Variants in SAXO1 observed in about 807,000 individuals in gnomAD.
SAXO1 encodes the protein stabilizer of axonemal microtubules 1.
Under a neutral mutation model 17.5 loss-of-function variants are expected in SAXO1, and 21 were observed. That is an observed-to-expected ratio of 1.20 (90% CI 0.85 to 1.72). The LOEUF is 1.72. Ranked by LOEUF, SAXO1 falls within the 40% of genes most tolerant of loss-of-function variation. SAXO1 has a pLI of 0.00. For missense variants in SAXO1, 843 were observed against 596.0 expected (o/e 1.41, Z -4.32); for synonymous variants, 274 against 216.5 (o/e 1.27, Z -2.33).
intron 2 of SAXO1, 105 bp from the exon 3 acceptor site, chr9:18,941,944 A>C: frequency 9.6e-7 from 1 of 1,046,646 alleles, no homozygotes; most frequent in Admixed American, 1.9e-5. Flanking sequence ...GTCCTGTTCT[A>C]CTCTACCTGC....
intron 1 of SAXO1, among the ~76,000 whole-genome samples, chr9:18,957,740 T>C (rs1832314413): frequency 1.3e-5 from 2 of 152,116 alleles, no homozygotes; most frequent in African/African-American, 4.8e-5. Context: ...GGCAAGGCCT[T>C]CTCAAAGAAG....
intron 3 of SAXO1, among the ~76,000 whole-genome samples, chr9:18,932,967 TA>T (rs1238128616): frequency 1.3e-5 from 2 of 152,244 alleles, no homozygotes; most frequent in Admixed American, 1.3e-4. Context: ...TGTCTGAGAA[TA>T]AAGACAGCTT....
intron 1 of SAXO1, among the ~76,000 whole-genome samples, chr9:19,002,873 A>G (rs557120259): frequency 3.9e-4 from 59 of 152,354 alleles, no homozygotes; most frequent in African/African-American, 1.3e-3. Context: ...TATTCAGCAT[A>G]GTATTGGAAG....
At chr9:18,964,947 T>C (rs1321271219) in intron 1 of SAXO1, among the ~76,000 whole-genome samples, 1 of 152,224 alleles carries the variant, frequency 6.6e-6, no homozygotes, top group Non-Finnish European at 1.5e-5. Flanking sequence ...GAGATTCTGG[T>C]GCATTGTCTC....
chr9:18,950,174 G>A (rs1831971499), intron 2 of SAXO1, among the ~76,000 whole-genome samples: 1 of 152,176 alleles, frequency 6.6e-6, no homozygotes, highest in African/African-American at 2.4e-5. Flanking sequence ...CTCAGCCTCT[G>A]CACAGACCTA....
intron 1 of SAXO1, among the ~76,000 whole-genome samples, chr9:19,019,531 C>G (rs1563985262): frequency 6.6e-6 from 1 of 152,040 alleles, no homozygotes; most frequent in Non-Finnish European, 1.5e-5. Flanking sequence ...GAGTTTGAGA[C>G]CAGCCTGGCC....
At position 18,963,947 on chromosome 9, in the gene SAXO1, T is replaced by C. The variant is rs1418341134; in HGVS notation, c.39-13010A>G. Among the ~76,000 whole-genome samples the C allele has an allele frequency of 5.3e-5, 8 of 152,344 alleles. No homozygotes were observed. In the East Asian group the frequency reaches 1.2e-3, roughly 22 times the overall value. ...GTGGGTTTGTCATAAATAGTTCTTA[T>C]TGAGATATGTTCCATCAATACCTAC... On this transcript the variant is annotated intron_variant, in intron 1 of 3. Coordinates refer to ENST00000380534, the MANE Select transcript of SAXO1 (RefSeq NM_153707.4).
intron 1 of SAXO1, among the ~76,000 whole-genome samples, chr9:18,962,062 T>C (rs1832509107): frequency 6.6e-6 from 1 of 152,104 alleles, no homozygotes; most frequent in African/African-American, 2.4e-5. Context: ...GTACGGTTTT[T>C]TTAGTTTTTC....
chr9:18,938,413 A>G (rs1831391035), intron 3 of SAXO1, among the ~76,000 whole-genome samples: 1 of 152,120 alleles, frequency 6.6e-6, no homozygotes. Context: ...AAAGTGCAAT[A>G]AGGCATCCTA....
At chr9:19,035,700 G>A (rs1224599885), upstream of SAXO1, among the ~76,000 whole-genome samples, 2 of 152,168 alleles carry the variant, frequency 1.3e-5, no homozygotes, top group South Asian at 2.1e-4. Context: ...TCCAGGCTGA[G>A]GTGGTCTCAG....
chr9:19,034,291 TTCC>T (rs1226745625), upstream of SAXO1, among the ~76,000 whole-genome samples: 1 of 152,192 alleles, frequency 6.6e-6, no homozygotes, highest in Non-Finnish European at 1.5e-5. Flanking sequence ...GTTAGGTTTT[TTCC>T]TTCAGTAATA....
chr9:19,018,624 A>G (rs1047978492), intron 1 of SAXO1, among the ~76,000 whole-genome samples: 1 of 152,228 alleles, frequency 6.6e-6, no homozygotes, highest in African/African-American at 2.4e-5. Flanking sequence ...ATGAACTGCT[A>G]CATGCAGACA....
At chr9:18,966,237 G>C (rs534116657) in intron 1 of SAXO1, among the ~76,000 whole-genome samples, 1 of 152,124 alleles carries the variant, frequency 6.6e-6, no homozygotes, top group Non-Finnish European at 1.5e-5. Flanking sequence ...TCTTCTTGTG[G>C]AGTATCTTTC....
At chr9:19,007,330 A>T (rs1242548621) in intron 1 of SAXO1, among the ~76,000 whole-genome samples, 1 of 152,190 alleles carries the variant, frequency 6.6e-6, no homozygotes, top group African/African-American at 2.4e-5. Flanking sequence ...CTGGTCAAAG[A>T]GCAGAACTCC....
At chr9:18,946,083 C>G (rs975814730) in intron 2 of SAXO1, among the ~76,000 whole-genome samples, 1 of 151,958 alleles carries the variant, frequency 6.6e-6, no homozygotes, top group Non-Finnish European at 1.5e-5. Flanking sequence ...ATGAGACCAG[C>G]CTGACCAACA....
In SAXO1 at chr9:18,928,946, G is replaced by A. The variant is rs767381951; in HGVS notation, c.531C>T (p.Tyr177=). The A allele has an allele frequency of 6.2e-7, 1 of 1,614,200 alleles. No individual in the cohort carries two copies. The highest frequency in any genetic ancestry group is 1.1e-5 in the South Asian group (1 of 91,080). The part of the protein sequence containing the change: ...FDNRTTHQDD[Y]PIKGLVKTIS... ...TGGTCTTCACAAGGCCTTTTATGGG[G>A]TAATCGTCCTGGTGTGTGGTTCTGT... Residue 177 remains tyrosine, a synonymous_variant, in exon 4 of 4, where the codon TAC becomes TAT. Coordinates refer to ENST00000380534, the MANE Select transcript of SAXO1 (RefSeq NM_153707.4).
chr9:18,951,631 TC>T (rs774649604), intron 1 of SAXO1, among the ~76,000 whole-genome samples: 4 of 152,110 alleles, frequency 2.6e-5, no homozygotes, highest in Non-Finnish European at 4.4e-5. Context: ...CCACTACTCT[TC>T]CCTGTGTGTG....
Position 19,027,665 on chromosome 9 carries a change from A to G in SAXO1, c.38+5206T>C, listed in dbSNP as rs1835553848. On this transcript the variant is annotated intron_variant, in intron 1 of 3. Transcript: ENST00000380534. ...GGATGCCTTCGCCCTGGCCAAGGAG[A>G]AAGCGCCCTCCATCATCTTCACTGA... 3 of 1,371,008 alleles carry G rather than the reference A, an allele frequency of 2.2e-6. No individual in the cohort carries two copies. The Admixed American group carries it at 5.1e-5, about 23-fold the overall frequency. 84.9% of individuals were successfully genotyped at this position (1,371,008 alleles called of 1,614,324 possible).
chr9:18,965,922 G>A (rs1429289734), intron 1 of SAXO1, among the ~76,000 whole-genome samples: 1 of 152,166 alleles, frequency 6.6e-6, no homozygotes, highest in African/African-American at 2.4e-5. Flanking sequence ...TTCAGGAGCT[G>A]TTGTAAGGCA....
Sources: gnomAD v4.1 joint callset for allele counts (sites outside exome capture counted in the v4.1 genomes callset) on GRCh38, gnomAD v4.1.1 for gene constraint, MANE v1.5 for transcripts, NCBI Gene and HGNC (gene_info 2026-07-23, HGNC 2026-07-21) for gene names.